HERC1: variants seen among roughly 807,000 people sequenced by gnomAD.
HERC1 encodes HECT and RLD domain containing E3 ubiquitin protein ligase family member 1.
In HERC1, 160 loss-of-function variants were observed where a neutral mutation model predicts 554.3. The ratio of observed to expected loss-of-function variants is 0.29; its 90% CI spans 0.25 to 0.33. The LOEUF (loss-of-function observed/expected upper bound fraction) is 0.33, where lower values mean the gene tolerates loss of function less well. Ranked by LOEUF, HERC1 falls within the 10% of genes least tolerant of loss-of-function variation. The pLI is 1.00. For missense variants in HERC1, 4,919 were observed against 5,918.5 expected, an observed-to-expected ratio of 0.83 and a Z score of 5.54; for synonymous variants, 2,175 against 2,131.7, an observed-to-expected ratio of 1.02 and a Z score of -0.56.
At chr15:63,812,291 A>C (rs768059061) in intron 1 of HERC1, among the ~76,000 whole-genome samples, 58 of 152,344 alleles carry the variant, frequency 3.8e-4, no homozygotes, top group Non-Finnish European at 8.2e-4. Context: ...TCTTCAACCC[A>C]CATTTCCATT....
chr15:63,681,534 C>T (rs2071479271), intron 34 of HERC1, among the ~76,000 whole-genome samples: 1 of 152,068 alleles, frequency 6.6e-6, no homozygotes. Context: ...GCTTGCAACA[C>T]TGGCCTTTGG....
At chr15:63,634,965 T>C in intron 65 of HERC1, 77 bp from the exon 66 acceptor site, 2 of 1,022,254 alleles carry the variant, frequency 2.0e-6, no homozygotes, top group Non-Finnish European at 1.4e-6. Flanking sequence ...TTTTTGGTAT[T>C]AATATAGCAA....
intron 52 of HERC1, 49 bp downstream of exon 52, chr15:63,652,364 GT>G (rs1566974854): frequency 6.5e-7 from 1 of 1,533,876 alleles, no homozygotes; most frequent in Admixed American, 1.9e-5. Context: ...GATGAGGCAT[GT>G]TTAGGATTCT....
chr15:63,682,615 T>A (rs77735327), intron 34 of HERC1, among the ~76,000 whole-genome samples: 4,727 of 152,208 alleles, frequency 0.031, 103 homozygotes, highest in Non-Finnish European at 0.049. Context: ...CTACAAAATA[T>A]ACAAAAACAA....
At position 63,612,196 on chromosome 15, in the gene HERC1, C is replaced by T; in HGVS notation, c.14400+55G>A. 2 of 1,464,556 alleles carry T rather than the reference C, an allele frequency of 1.4e-6. No homozygotes were observed. Among genetic ancestry groups the T allele is most frequent in the South Asian group, 1.4e-5 (1 of 73,334 alleles). 90.7% of individuals were successfully genotyped at this position (1,464,556 alleles called of 1,614,324 possible). ...GAGTGAGACCCTGTCTCAACAAAAA[C>T]AACAATGAAGCAATAAGGCAGACAT... On this transcript the variant is annotated intron_variant, in intron 77 of 77. Coordinates refer to ENST00000443617, the MANE Select transcript of HERC1 (RefSeq NM_003922.4). This position sits in a 1 kb window ranked among gnomAD's most constrained non-coding sequence, Gnocchi z 5.0.
chr15:63,726,807 G>T (rs1391481862), intron 17 of HERC1, among the ~76,000 whole-genome samples: 1 of 152,104 alleles, frequency 6.6e-6, no homozygotes, highest in Non-Finnish European at 1.5e-5. Context: ...AGGAATAAAA[G>T]AAAGTTCCGC....
intron 2 of HERC1, among the ~76,000 whole-genome samples, chr15:63,774,117 C>A (rs2076040965): frequency 1.3e-5 from 2 of 152,148 alleles, no homozygotes; most frequent in African/African-American, 2.4e-5. Flanking sequence ...AAAACAGCAA[C>A]TTTTCACCTC....
rs1188920229 is a variant in HERC1 at position 63,624,226 on chromosome 15, G to A, written c.13377C>T (p.Ser4459=). The A allele has an allele frequency of 6.2e-7, 1 of 1,613,878 alleles. No homozygotes were observed. Among genetic ancestry groups the A allele is most frequent in the Non-Finnish European group, 8.5e-7 (1 of 1,179,794 alleles). The change falls in exon 72 of 78, where the codon TCC becomes TCT. Residue 4459 remains serine, a synonymous_variant. Coordinates refer to ENST00000443617, the MANE Select transcript of HERC1 (RefSeq NM_003922.4). ...PRVYTLPMVR[S]IGKTMVQGKN... ...TGCCTTGAACCATGGTTTTTCCTAT[G>A]GAGCGCACCATTGGCAGAGTGTAGA...
chr15:63,774,213 A>G (rs905041532), intron 2 of HERC1, among the ~76,000 whole-genome samples: 4 of 152,314 alleles, frequency 2.6e-5, no homozygotes, highest in South Asian at 2.1e-4. Context: ...CTGAAATTAT[A>G]TATTTATTAT....
At chr15:63,724,646 C>T (rs1022246889) in intron 18 of HERC1, among the ~76,000 whole-genome samples, 6 of 152,002 alleles carry the variant, frequency 3.9e-5, no homozygotes. Flanking sequence ...CCTGTCTAAT[C>T]CAAATCATTA....
At chr15:63,802,842 A>G (rs1323692968) in intron 1 of HERC1, among the ~76,000 whole-genome samples, 1 of 152,256 alleles carries the variant, frequency 6.6e-6, no homozygotes, top group Non-Finnish European at 1.5e-5. Flanking sequence ...CAAAGCAATA[A>G]TAGCAGTTAC....
chr15:63,643,871 A>G (rs765487336), intron 57 of HERC1, among the ~76,000 whole-genome samples: 1 of 152,188 alleles, frequency 6.6e-6, no homozygotes, highest in Non-Finnish European at 1.5e-5. Context: ...CAGTGTTTTG[A>G]TTTTTAAATT....
chr15:63,831,698 A>G (rs950742105), intron 1 of HERC1, among the ~76,000 whole-genome samples: 1 of 152,102 alleles, frequency 6.6e-6, no homozygotes, highest in African/African-American at 2.4e-5. Context: ...TTTTGGGGGA[A>G]AACATGCTTG....
rs994598203 is a variant in HERC1 at position 63,734,385 on chromosome 15, C to T, written c.2646+339G>A. On this transcript the variant is annotated intron_variant, in intron 13 of 77. Transcript: ENST00000443617. The surrounding 1 kb of genome is among the most constrained non-coding windows in gnomAD (Gnocchi z 4.6). ...TAGTCATCTATACTCTTTATACAAACGATTTCAGACAAAGTTCTCAGCATG... is the reference window on the plus strand; with the variant it reads ...TAGTCATCTATACTCTTTATACAAATGATTTCAGACAAAGTTCTCAGCATG... Among the ~76,000 whole-genome samples the T allele has an allele frequency of 4.6e-5, 7 of 152,082 alleles. No homozygotes were observed. The highest frequency in any genetic ancestry group is 1.7e-4 in the African/African-American group (7 of 41,394).
At chr15:63,716,211 T>C in intron 22 of HERC1, 91 bp downstream of exon 22, 1 of 1,194,394 alleles carries the variant, frequency 8.4e-7, no homozygotes, top group Non-Finnish European at 1.2e-6. Flanking sequence ...AGAAAAACTA[T>C]GGAGAAACTT....
intron 38 of HERC1, among the ~76,000 whole-genome samples, chr15:63,673,957 T>C (rs1479852254): frequency 1.3e-5 from 2 of 152,200 alleles, no homozygotes; most frequent in Admixed American, 6.5e-5. Flanking sequence ...ACTCCTGGCC[T>C]CAAGTGATCT....
chr15:63,639,302 T>C (rs1462522643), intron 61 of HERC1, among the ~76,000 whole-genome samples: 2 of 152,268 alleles, frequency 1.3e-5, no homozygotes, highest in Admixed American at 6.5e-5. Context: ...TATGTTTACA[T>C]ACACAAATAC....
chr15:63,739,195 C>CTTTTTTTTTTTTTTT (rs1205943240), intron 12 of HERC1, among the ~76,000 whole-genome samples: 1 of 102,276 alleles, frequency 9.8e-6, no homozygotes, highest in African/African-American at 3.6e-5. Flanking sequence ...CACTAATATA[C>CTTTTTTTTTTTTTTT]TTTTTTTTTT....
intron 40 of HERC1, among the ~76,000 whole-genome samples, chr15:63,668,457 C>T (rs2070748029): frequency 6.6e-6 from 1 of 152,142 alleles, no homozygotes; most frequent in Admixed American, 6.5e-5. Flanking sequence ...CACTCCAGCC[C>T]GGGTGACAGA....
Sources: gnomAD v4.1 joint callset for allele counts (sites outside exome capture counted in the v4.1 genomes callset) on GRCh38, gnomAD v4.1.1 for gene constraint, Gnocchi (gnomAD v3.1) non-coding constraint, MANE v1.5 for transcripts, NCBI Gene and HGNC (gene_info 2026-07-23, HGNC 2026-07-21) for gene names.